The following OCA2 variants were observed in gnomAD, a reference collection of about 807,000 sequenced individuals.
OCA2 encodes the protein P protein.
A neutral mutation model predicts 100.2 loss-of-function variants in OCA2; 77 were observed. The observed-to-expected ratio is 0.77, with a 90% CI of 0.64 to 0.93. The LOEUF is 0.93. Among genes scored for constraint, OCA2 ranks in the 40% least tolerant of loss-of-function variants. The pLI, the probability that OCA2 is intolerant of heterozygous loss-of-function variation, is 0.00. For missense variants in OCA2, 1,062 were observed against 1,089.1 expected (o/e 0.98, Z 0.35); for synonymous variants, 432 against 439.2 (o/e 0.98, Z 0.21).
intron 11 of OCA2, among the ~76,000 whole-genome samples, chr15:27,987,000 A>G (rs2041377696): frequency 1.3e-5 from 2 of 152,222 alleles, no homozygotes. Context: ...TCACAGCCAC[A>G]AATCTAGAAG....
At position 27,755,206 on chromosome 15, in the gene OCA2, T is replaced by C. The variant is rs1033427242; in HGVS notation, c.*182A>G. The C allele has an allele frequency of 4.9e-6, 3 of 618,172 alleles. No homozygotes were observed. The African/African-American group carries it at 5.4e-5, about 11-fold the overall frequency. The allele number at this position is 618,172 out of a possible 1,614,324, so 38.3% of individuals were successfully genotyped here. ...GAGAAAGGACACACAGAGGAGGTCA[T>C]GGTGTTCCAACATTCGCTTGAATTA... On this transcript the variant is annotated 3_prime_UTR_variant, in exon 24 of 24. Coordinates refer to ENST00000354638, the MANE Select transcript of OCA2 (RefSeq NM_000275.3).
At chr15:27,768,242 G>A (rs1204251361) in intron 23 of OCA2, among the ~76,000 whole-genome samples, 1 of 152,160 alleles carries the variant, frequency 6.6e-6, no homozygotes, top group Non-Finnish European at 1.5e-5. Context: ...ATACATTTTG[G>A]AAGTCATGAA....
chr15:28,038,735 G>C (rs1037865791), intron 2 of OCA2, among the ~76,000 whole-genome samples: 2 of 152,212 alleles, frequency 1.3e-5, no homozygotes, highest in African/African-American at 4.8e-5. Flanking sequence ...CCTCATGCTG[G>C]TCTCTAGGTT....
At position 27,872,985 on chromosome 15, in the gene OCA2, G is replaced by A. The variant is rs562049855; in HGVS notation, c.2080-1063C>T. Among the ~76,000 whole-genome samples, 3 of 152,250 alleles carry A rather than the reference G, an allele frequency of 2.0e-5. No individual in the cohort carries two copies. In the East Asian group the frequency reaches 5.8e-4, roughly 29 times the overall value. The stretch of plus-strand genomic sequence containing the variant: ...GATTACAGGCGTGAGCCAACGTGCC[G>A]GCCAGCTTGTCCAAGTTTAAATTAA... On this transcript the variant is annotated intron_variant, in intron 19 of 23. Coordinates refer to ENST00000354638, the MANE Select transcript of OCA2 (RefSeq NM_000275.3).
chr15:27,748,621 T>C, the OCA2 span, among the ~76,000 whole-genome samples: 3 of 152,146 alleles, frequency 2.0e-5, no homozygotes. Flanking sequence ...GTTTTTCCAG[T>C]ATATATAGAT....
chr15:27,812,209 G>A lies in OCA2; in HGVS notation c.2432+32750C>T, dbSNP rs531214000. On this transcript the variant is annotated intron_variant, in intron 23 of 23. Transcript: ENST00000354638. The stretch of plus-strand genomic sequence containing the variant: ...GCTTATATTTATCAAAAGCCACCAC[G>A]ACCTTCTGCCCATAAAACTACCCAA... 1.0e-3 allele frequency among the ~76,000 whole-genome samples: 155 copies of A among 152,300 alleles called. 1 individual carries two copies. Among genetic ancestry groups the A allele is most frequent in the African/African-American group, 3.3e-3 (138 of 41,560 alleles).
the OCA2 span, among the ~76,000 whole-genome samples, chr15:27,747,590 GACGTCAGTTTTTATGGAAAGAACCCAT>G: frequency 6.6e-6 from 1 of 152,172 alleles, no homozygotes; most frequent in Non-Finnish European, 1.5e-5. Flanking sequence ...GAACCACCCA[GACGTCAGTTTTTATGGAAAGAACCCAT>G]ATAAGAATTA....
chr15:27,846,253 C>A (rs1169081466), intron 22 of OCA2, among the ~76,000 whole-genome samples: 2 of 152,148 alleles, frequency 1.3e-5, no homozygotes, highest in South Asian at 2.1e-4. Flanking sequence ...GGCCAGGAGA[C>A]CTGCCCAGTG....
intron 3 of OCA2, among the ~76,000 whole-genome samples, chr15:28,028,950 T>A (rs2042834879): frequency 6.6e-6 from 1 of 152,174 alleles, no homozygotes; most frequent in African/African-American, 2.4e-5. Context: ...CCTCCCAAAG[T>A]GCTGGGATTA....
At chr15:27,770,063 T>C (rs1246065642) in intron 23 of OCA2, among the ~76,000 whole-genome samples, 2 of 152,170 alleles carry the variant, frequency 1.3e-5, no homozygotes, top group African/African-American at 4.8e-5. Flanking sequence ...AGGGACCCCC[T>C]TTTTTGCAGG....
chr15:27,723,526 A>C, the OCA2 span, among the ~76,000 whole-genome samples: 1 of 151,680 alleles, frequency 6.6e-6, no homozygotes, highest in African/African-American at 2.4e-5. Context: ...GGGCACCCCC[A>C]CCACCACCAA....
chr15:27,815,086 G>A (rs1482329675), intron 23 of OCA2, among the ~76,000 whole-genome samples: 4 of 152,114 alleles, frequency 2.6e-5, no homozygotes, highest in Non-Finnish European at 5.9e-5. Flanking sequence ...GGAAGGGCAG[G>A]GAAAACTAAA....
intron 23 of OCA2, among the ~76,000 whole-genome samples, chr15:27,814,860 G>T (rs2034217410): frequency 6.6e-6 from 1 of 151,714 alleles, no homozygotes; most frequent in African/African-American, 2.4e-5. Context: ...TCCAGCCTGG[G>T]CAACAGGGTG....
intron 2 of OCA2, among the ~76,000 whole-genome samples, chr15:28,065,386 T>C (rs1273090578): frequency 1.3e-5 from 2 of 152,178 alleles, no homozygotes; most frequent in Non-Finnish European, 2.9e-5. Flanking sequence ...AGTATGCATC[T>C]GCCCTAGGCC....
chr15:27,790,783 C>G (rs2033042955), intron 23 of OCA2, among the ~76,000 whole-genome samples: 1 of 140,406 alleles, frequency 7.1e-6, no homozygotes, highest in African/African-American at 2.8e-5. Flanking sequence ...CTCAATTACC[C>G]TGAATTTTTT....
intron 23 of OCA2, among the ~76,000 whole-genome samples, chr15:27,824,110 G>A (rs1337457482): frequency 1.3e-5 from 2 of 152,214 alleles, no homozygotes; most frequent in Admixed American, 1.3e-4. Context: ...GCTCATGCCT[G>A]TAATCCCAAC....
At chr15:27,848,136 T>C (rs4778198) in intron 22 of OCA2, among the ~76,000 whole-genome samples, 119,926 of 152,176 alleles carry the variant, frequency 0.79, 48,366 homozygotes, top group East Asian at 1. Context: ...ACAGAAGACA[T>C]TCCCTCATGT....
chr15:27,884,977 C>A (rs1245108185), intron 19 of OCA2, among the ~76,000 whole-genome samples: 2 of 152,076 alleles, frequency 1.3e-5, no homozygotes, highest in Admixed American at 6.5e-5. Context: ...TGCCCTTCAC[C>A]AGCATTCCTA....
At chr15:27,771,484 G>A (rs373328765) in intron 23 of OCA2, among the ~76,000 whole-genome samples, 5 of 152,300 alleles carry the variant, frequency 3.3e-5, no homozygotes, top group Admixed American at 6.5e-5. Context: ...GCGCCCAGCT[G>A]GGGGGTGCTC....
Sources: gnomAD v4.1 joint callset for allele counts (sites outside exome capture counted in the v4.1 genomes callset) on GRCh38, gnomAD v4.1.1 for gene constraint, MANE v1.5 for transcripts, NCBI Gene and HGNC (gene_info 2026-07-23, HGNC 2026-07-21) for gene names.